The following RPS6KA2 variants were observed in gnomAD, a reference collection of about 807,000 sequenced individuals.
RPS6KA2 encodes ribosomal protein S6 kinase alpha-2.
Under a neutral mutation model 91.8 loss-of-function variants are expected in RPS6KA2, and 42 were observed. The observed-to-expected ratio is 0.46, with a 90% CI of 0.36 to 0.59. RPS6KA2 has a LOEUF of 0.59. Ranked by LOEUF, RPS6KA2 falls within the 20% of genes least tolerant of loss-of-function variation. The pLI, the probability that RPS6KA2 is intolerant of heterozygous loss-of-function variation, is 0.00. For synonymous variants in RPS6KA2, 414 were observed against 393.6 expected (o/e 1.05, Z -0.61); for missense variants, 798 against 978.5 (o/e 0.82, Z 2.46).
At chr6:166,739,880 C>A (rs742265) in intron 2 of RPS6KA2, among the ~76,000 whole-genome samples, 23,991 of 152,268 alleles carry the variant, frequency 0.16, 2,091 homozygotes, top group Admixed American at 0.2. Context: ...CTTTCCGTAA[C>A]ACAGCCAAGT....
At position 166,461,499 on chromosome 6, in the gene RPS6KA2, G is replaced by GGA. The variant is rs3830733; in HGVS notation, c.973-1950_973-1949dup. Among the ~76,000 whole-genome samples, 101 of 129,858 alleles carry GGA rather than the reference G, an allele frequency of 7.8e-4. No homozygotes were observed. The South Asian group carries it at 0.013, about 16-fold the overall frequency. 85.2% of individuals were successfully genotyped at this position (129,858 alleles called of 152,430 possible). On this transcript the variant is annotated intron_variant, in intron 11 of 20. Transcript: ENST00000265678. ...GTGAGAGCAAGCGAGGGAGAGAGGT[G>GGA]GAGAGAGAGAGAGAGAGAGATGGGG...
At chr6:166,606,294 C>CA (rs1408784754) in intron 1 of RPS6KA2, among the ~76,000 whole-genome samples, 1 of 152,222 alleles carries the variant, frequency 6.6e-6, no homozygotes, top group Non-Finnish European at 1.5e-5. Context: ...ACCTGTGCAC[C>CA]ATGAGAGACC....
intron 5 of RPS6KA2, among the ~76,000 whole-genome samples, chr6:166,505,382 G>A (rs975467252): frequency 6.6e-6 from 1 of 152,120 alleles, no homozygotes; most frequent in Non-Finnish European, 1.5e-5. Context: ...CAAAGCCATC[G>A]CCCCATAATG....
intron 2 of RPS6KA2, among the ~76,000 whole-genome samples, chr6:166,847,791 G>A (rs1242223126): frequency 1.3e-5 from 2 of 151,994 alleles, no homozygotes; most frequent in Non-Finnish European, 2.9e-5. Context: ...ATCTAAGAAC[G>A]TGAAACAACA....
rs1787705787 is a variant in RPS6KA2, at chr6:166,648,061, CACACAT to C, written c.124-109283_124-109278del. Among the ~76,000 whole-genome samples, 1 of 151,824 alleles carries C rather than the reference CACACAT, an allele frequency of 6.6e-6. No individual in the cohort carries two copies. Among genetic ancestry groups the C allele is most frequent in the Non-Finnish European group, 1.5e-5 (1 of 67,964 alleles). On this transcript the variant is annotated intron_variant, in intron 2 of 21. Transcript: ENST00000503859. The surrounding 1 kb of genome is among the most constrained non-coding windows in gnomAD (Gnocchi z 4.8). ...GCTCTCACACACATGCACATGCTCACACACATGCACACGCACATGGTCATACACACA... is the reference window on the plus strand; with the variant it reads ...GCTCTCACACACATGCACATGCTCACGCACACGCACATGGTCATACACACA...
chr6:166,575,388 C>T (rs550699298), intron 1 of RPS6KA2, among the ~76,000 whole-genome samples: 47 of 152,228 alleles, frequency 3.1e-4, no homozygotes, highest in African/African-American at 8.7e-4. Flanking sequence ...AAATCGAGCA[C>T]GAGAGGGCAC....
rs548754689 is a variant in RPS6KA2 at position 166,483,437 on chromosome 6, C to T, written c.907+5396G>A. ...GCCACACCAACACCAGAGAATCCAC[C>T]GCTTCTAGCAGGAGGACGGCCCGCA... is the stretch of plus-strand genomic sequence containing the variant. On this transcript the variant is annotated intron_variant, in intron 10 of 20. Coordinates refer to ENST00000265678, the MANE Select transcript of RPS6KA2 (RefSeq NM_021135.6). Among the ~76,000 whole-genome samples the T allele has an allele frequency of 7.2e-5, 11 of 152,296 alleles. No homozygotes were observed. The East Asian group carries it at 1.2e-3, about 16-fold the overall frequency.
chr6:166,823,434 A>AAT (rs3220459), intron 2 of RPS6KA2, among the ~76,000 whole-genome samples: 1 of 147,986 alleles, frequency 6.8e-6, no homozygotes, highest in African/African-American at 2.5e-5. Flanking sequence ...TTGGTTTTGC[A>AAT]GTGTGTGTGT....
rs1583153180 is a variant in RPS6KA2 at position 166,451,320 on chromosome 6, T to C, written c.1076-87A>G. ...ATAGTGTGTGTGTGCATGTGGTATG[T>C]GTGTGCAAGTCCGTGTGTGTGTGTG... On this transcript the variant is annotated intron_variant, in intron 12 of 20. Coordinates refer to ENST00000265678, the MANE Select transcript of RPS6KA2 (RefSeq NM_021135.6). 3.4e-6 allele frequency: 5 copies of C among 1,473,478 alleles called. No homozygotes were observed. The East Asian group carries it at 9.2e-5, about 27-fold the overall frequency. 91.3% of individuals were successfully genotyped at this position (1,473,478 alleles called of 1,614,324 possible).
At chr6:166,602,061 T>C (rs1785752904) in intron 1 of RPS6KA2, among the ~76,000 whole-genome samples, 1 of 152,212 alleles carries the variant, frequency 6.6e-6, no homozygotes, top group Admixed American at 6.5e-5. Flanking sequence ...GAACACTGTA[T>C]AGATGGGGAA....
Position 166,719,548 on chromosome 6 carries a change from C to T in RPS6KA2, c.123+138652G>A, listed in dbSNP as rs183511320. On this transcript the variant is annotated intron_variant, in intron 2 of 21. Transcript: ENST00000503859. ...GCCTTTGAACAACACATGTCTGTGACGATGTATCTATGAAAATACATCTAT... is the reference window on the plus strand; with the variant it reads ...GCCTTTGAACAACACATGTCTGTGATGATGTATCTATGAAAATACATCTAT... Among the ~76,000 whole-genome samples, 451 of 152,290 alleles carry T rather than the reference C, an allele frequency of 3.0e-3. 1 individual carries two copies. The highest frequency in any genetic ancestry group is 9.2e-3 in the African/African-American group (383 of 41,558).
chr6:166,701,597 T>C, intron 2 of RPS6KA2: 1 of 1,343,382 alleles, frequency 7.4e-7, no homozygotes, highest in Non-Finnish European at 1.1e-6. Flanking sequence ...AGAGCCGGGA[T>C]AAACAGATGA....
chr6:166,534,334 C>T (rs527362250), intron 2 of RPS6KA2, among the ~76,000 whole-genome samples: 4 of 151,760 alleles, frequency 2.6e-5, no homozygotes, highest in Admixed American at 2.0e-4. Flanking sequence ...GCAGGAGGAT[C>T]GCTTGAGCCC....
chr6:166,786,414 A>G (rs1246659972), intron 2 of RPS6KA2, among the ~76,000 whole-genome samples: 2 of 152,226 alleles, frequency 1.3e-5, no homozygotes, highest in Non-Finnish European at 2.9e-5. Context: ...GGCCATGAAA[A>G]TGGGAGAAAA....
intron 10 of RPS6KA2, among the ~76,000 whole-genome samples, chr6:166,473,330 A>G (rs1403784395): frequency 6.6e-6 from 1 of 152,060 alleles, no homozygotes; most frequent in Non-Finnish European, 1.5e-5. Context: ...AGCTGGGACT[A>G]CAGGCATGTG....
intron 2 of RPS6KA2, among the ~76,000 whole-genome samples, chr6:166,743,096 G>A (rs147890204): frequency 9.8e-4 from 149 of 152,326 alleles, no homozygotes; most frequent in African/African-American, 3.5e-3. Flanking sequence ...TAGCACTTAT[G>A]TACTTGATTT....
At chr6:166,641,873 A>G (rs1281752922) in intron 2 of RPS6KA2, among the ~76,000 whole-genome samples, 1 of 151,754 alleles carries the variant, frequency 6.6e-6, no homozygotes, top group East Asian at 1.9e-4. Context: ...AGGAAATATG[A>G]AAGGGGGGTT....
intron 2 of RPS6KA2, among the ~76,000 whole-genome samples, chr6:166,705,376 C>A (rs1014852912): frequency 6.6e-6 from 1 of 152,234 alleles, no homozygotes; most frequent in South Asian, 2.1e-4. Context: ...AGCCTCCTCC[C>A]TGGCCACAGC....
intron 1 of RPS6KA2, among the ~76,000 whole-genome samples, chr6:166,558,763 C>T (rs913309035): frequency 6.6e-6 from 1 of 152,184 alleles, no homozygotes; most frequent in African/African-American, 2.4e-5. Context: ...TAATAAAGCC[C>T]ACACCGTGGA....
Sources: gnomAD v4.1 joint callset for allele counts (sites outside exome capture counted in the v4.1 genomes callset) on GRCh38, gnomAD v4.1.1 for gene constraint, Gnocchi (gnomAD v3.1) non-coding constraint, MANE v1.5 for transcripts, NCBI Gene and HGNC (gene_info 2026-07-23, HGNC 2026-07-21) for gene names.